The following JAZF1 variants were observed in gnomAD, a reference collection of about 807,000 sequenced individuals.
JAZF1 encodes JAZF zinc finger 1.
A neutral mutation model predicts 26.4 loss-of-function variants in JAZF1; 8 were observed. The ratio of observed to expected loss-of-function variants is 0.30; its 90% CI spans 0.18 to 0.55. JAZF1 has a LOEUF of 0.55. Among genes scored for constraint, JAZF1 ranks in the 20% least tolerant of loss-of-function variants. The probability of loss-of-function intolerance (pLI) is 0.94; values close to 1 mark genes in which losing one functional copy is unlikely to be tolerated. For synonymous variants in JAZF1, 126 were observed against 122.3 expected (o/e 1.03, Z -0.20); for missense variants, 199 against 322.0 (o/e 0.62, Z 2.92).
intron 1 of JAZF1, among the ~76,000 whole-genome samples, chr7:28,068,809 G>A (rs1783926268): frequency 6.6e-6 from 1 of 152,082 alleles, no homozygotes; most frequent in Admixed American, 6.5e-5. Context: ...AAATCTTTGG[G>A]GTATTAACAA....
At chr7:28,167,063 G>A (rs1336665139) in intron 1 of JAZF1, among the ~76,000 whole-genome samples, 2 of 152,172 alleles carry the variant, frequency 1.3e-5, no homozygotes, top group African/African-American at 4.8e-5. Context: ...ATGTGTGGGG[G>A]CTTCCTGATC....
chr7:27,855,804 T>C (rs976413831), intron 3 of JAZF1, among the ~76,000 whole-genome samples: 1 of 152,130 alleles, frequency 6.6e-6, no homozygotes, highest in Non-Finnish European at 1.5e-5. Context: ...TCTGGTACCA[T>C]TCCTTCTGAA....
intron 1 of JAZF1, among the ~76,000 whole-genome samples, chr7:28,070,859 T>C (rs1036487816): frequency 6.6e-6 from 1 of 152,230 alleles, no homozygotes; most frequent in African/African-American, 2.4e-5. Flanking sequence ...CAAAATCCCC[T>C]ATTAAAGCGT....
intron 1 of JAZF1, among the ~76,000 whole-genome samples, chr7:28,061,312 C>T (rs938953885): frequency 1.3e-5 from 2 of 152,200 alleles, no homozygotes; most frequent in African/African-American, 2.4e-5. Context: ...TGTATGATCA[C>T]GTTATAAAAT....
In JAZF1 at chr7:27,853,521, C is replaced by T. The variant is rs142794342; in HGVS notation, c.386-12654G>A. On this transcript the variant is annotated intron_variant, in intron 3 of 4. Coordinates refer to ENST00000283928, the MANE Select transcript of JAZF1 (RefSeq NM_175061.4). ...TCTTGCCTTGTGCCCTGAGCTGCCA[C>T]GACAGGCTCTTGCTACCTGAGACCC... is the stretch of plus-strand genomic sequence containing the variant. 2.0e-4 allele frequency among the ~76,000 whole-genome samples: 30 copies of T among 152,254 alleles called. No homozygotes were observed. The East Asian group carries it at 3.7e-3, about 19-fold the overall frequency.
intron 1 of JAZF1, among the ~76,000 whole-genome samples, chr7:28,110,905 C>T (rs980630237): frequency 6.6e-6 from 1 of 152,086 alleles, no homozygotes; most frequent in African/African-American, 2.4e-5. Flanking sequence ...AAGTTTTGTT[C>T]GCCTCTTATT....
Position 27,908,130 on chromosome 7 carries a change from C to T in JAZF1, c.189-12714G>A, listed in dbSNP as rs1389332135. ...GTCTAAGACAAGAGCTGTCCCCAAGCTAAAGCAAGAATATTAGTGACATAT... is the reference window on the plus strand; with the variant it reads ...GTCTAAGACAAGAGCTGTCCCCAAGTTAAAGCAAGAATATTAGTGACATAT... On this transcript the variant is annotated intron_variant, in intron 2 of 4. Coordinates refer to ENST00000283928, the MANE Select transcript of JAZF1 (RefSeq NM_175061.4). Among the ~76,000 whole-genome samples, 6 of 152,278 alleles carry T rather than the reference C, an allele frequency of 3.9e-5. No individual in the cohort carries two copies. The South Asian group carries it at 1.2e-3, about 32-fold the overall frequency.
chr7:28,056,280 G>A (rs968228441), intron 1 of JAZF1, among the ~76,000 whole-genome samples: 1 of 151,992 alleles, frequency 6.6e-6, no homozygotes, highest in Non-Finnish European at 1.5e-5. Flanking sequence ...ATTAGTAAAA[G>A]GAGGCAGTTC....
At chr7:28,137,290 C>T (rs1027153797) in intron 1 of JAZF1, among the ~76,000 whole-genome samples, 10 of 152,238 alleles carry the variant, frequency 6.6e-5, no homozygotes, top group African/African-American at 2.4e-4. Flanking sequence ...CTTAGAATAC[C>T]ACTCTCACCG....
At chr7:27,914,881 T>G (rs1161312491) in intron 2 of JAZF1, 1 of 469,950 alleles carries the variant, frequency 2.1e-6, no homozygotes, top group African/African-American at 2.0e-5. Flanking sequence ...CCCTCTAGTG[T>G]GCTCATAGGA....
At chr7:28,064,885 G>A (rs1013555623) in intron 1 of JAZF1, among the ~76,000 whole-genome samples, 5 of 152,174 alleles carry the variant, frequency 3.3e-5, no homozygotes, top group Admixed American at 2.6e-4. Context: ...TACCATTAGA[G>A]ATTCATTCTA....
At chr7:28,116,109 C>T (rs1258016425) in intron 1 of JAZF1, among the ~76,000 whole-genome samples, 1 of 152,190 alleles carries the variant, frequency 6.6e-6, no homozygotes, top group Non-Finnish European at 1.5e-5. Flanking sequence ...TCTAATGAGA[C>T]ACCTACTCTA....
At chr7:28,073,322 T>C (rs1784005381) in intron 1 of JAZF1, among the ~76,000 whole-genome samples, 1 of 152,148 alleles carries the variant, frequency 6.6e-6, no homozygotes, top group Non-Finnish European at 1.5e-5. Flanking sequence ...TGTAGGGCTC[T>C]TTTATACTGA....
Position 27,987,469 on chromosome 7 carries a change from G to A in JAZF1, c.188+4440C>T, listed in dbSNP as rs556431215. ...AGCATTTCCGCCTGGCAGCCGCCCCGTCCAGGAGGTTGGGGGCAGCCCCCA... is the reference window on the plus strand; with the variant it reads ...AGCATTTCCGCCTGGCAGCCGCCCCATCCAGGAGGTTGGGGGCAGCCCCCA... On this transcript the variant is annotated intron_variant, in intron 2 of 4. Transcript: ENST00000283928. Among the ~76,000 whole-genome samples, 627 of 152,110 alleles carry A rather than the reference G, an allele frequency of 4.1e-3. 4 individuals are homozygous for A. Among genetic ancestry groups the A allele is most frequent in the African/African-American group, 0.014 (598 of 41,508 alleles).
At chr7:27,864,728 G>A (rs537062264) in intron 3 of JAZF1, among the ~76,000 whole-genome samples, 116 of 152,278 alleles carry the variant, frequency 7.6e-4, no homozygotes, top group Non-Finnish European at 1.5e-3. Flanking sequence ...AGGAAAAACT[G>A]AGCAACGAAA....
At chr7:28,078,796 A>G (rs1784093189) in intron 1 of JAZF1, among the ~76,000 whole-genome samples, 1 of 152,182 alleles carries the variant, frequency 6.6e-6, no homozygotes, top group Non-Finnish European at 1.5e-5. Context: ...GAAAAGTCCT[A>G]CCTTCCCTGT....
intron 1 of JAZF1, among the ~76,000 whole-genome samples, chr7:28,033,592 G>A (rs1342068805): frequency 6.6e-6 from 1 of 152,176 alleles, no homozygotes; most frequent in Non-Finnish European, 1.5e-5. Flanking sequence ...CCCAGCTGAG[G>A]AAAGCAAGAA....
chr7:28,058,628 T>C (rs1366182036), intron 1 of JAZF1, among the ~76,000 whole-genome samples: 10 of 152,234 alleles, frequency 6.6e-5, no homozygotes, highest in African/African-American at 2.4e-4. Flanking sequence ...CATTTCTAAG[T>C]ACTATTCAGC....
At chr7:27,915,758 C>T (rs1447166425) in intron 2 of JAZF1, among the ~76,000 whole-genome samples, 1 of 152,128 alleles carries the variant, frequency 6.6e-6, no homozygotes, top group African/African-American at 2.4e-5. Context: ...AATCATCCCA[C>T]TGAAAAGGGC....
Sources: allele counts gnomAD v4.1 joint callset (sites outside exome capture counted in the v4.1 genomes callset), GRCh38; gene constraint gnomAD v4.1.1; transcripts MANE v1.5; gene names NCBI Gene and HGNC (gene_info 2026-07-23, HGNC 2026-07-21).